SLC39A11: variants seen among roughly 807,000 people sequenced by gnomAD.
The protein encoded by SLC39A11 is zinc transporter ZIP11.
SLC39A11 carries 33 observed loss-of-function variants against 36.1 expected under a neutral mutation model. The observed-to-expected ratio is 0.91, with a 90% CI of 0.69 to 1.22. SLC39A11 has a LOEUF of 1.22. SLC39A11 is among the 50% of genes most tolerant of loss of function. The pLI, the probability that SLC39A11 is intolerant of heterozygous loss-of-function variation, is 0.00. For synonymous variants in SLC39A11, 166 were observed against 170.3 expected (o/e 0.97, Z 0.20); for missense variants, 432 against 430.3 (o/e 1.00, Z -0.03).
At chr17:72,974,012 G>T (rs2087650025) in intron 4 of SLC39A11, among the ~76,000 whole-genome samples, 1 of 152,190 alleles carries the variant, frequency 6.6e-6, no homozygotes, top group African/African-American at 2.4e-5. Flanking sequence ...TGATTCCACA[G>T]GATCATAACA....
intron 7 of SLC39A11, among the ~76,000 whole-genome samples, chr17:72,716,633 GGGAACACACA>G (rs2073378377): frequency 6.6e-6 from 1 of 152,024 alleles, no homozygotes; most frequent in South Asian, 2.1e-4. Flanking sequence ...CAAAGGGATG[GGGAACACACA>G]TGCAGAGGCA....
chr17:72,757,823 G>A (rs2567545), intron 6 of SLC39A11, among the ~76,000 whole-genome samples: 132,404 of 152,128 alleles, frequency 0.87, 57,782 homozygotes, highest in African/African-American at 0.91. Context: ...TGTATCCACC[G>A]TGGTGTCCCC....
chr17:72,696,025 C>T (rs150065581), intron 7 of SLC39A11, among the ~76,000 whole-genome samples: 69 of 152,334 alleles, frequency 4.5e-4, no homozygotes, highest in African/African-American at 1.4e-3. Flanking sequence ...CAGGCACCAC[C>T]ACACCTGGAT....
In SLC39A11 at chr17:73,001,933, T is replaced by C. The variant is rs557860706; in HGVS notation, c.306+29623A>G. Among the ~76,000 whole-genome samples the C allele has an allele frequency of 3.9e-5, 6 of 152,246 alleles. No individual in the cohort carries two copies. The East Asian group carries it at 5.8e-4, about 15-fold the overall frequency. On this transcript the variant is annotated intron_variant, in intron 4 of 9. Transcript: ENST00000255559. ...AGCATAGTGGGTGGGAAGCAGGGAA[T>C]AGACTATCAGGCTTAGGAAAGAATG...
chr17:72,871,086 CAG>C (rs1259877725), intron 5 of SLC39A11, among the ~76,000 whole-genome samples: 10 of 135,084 alleles, frequency 7.4e-5, no homozygotes, highest in African/African-American at 2.0e-4. Context: ...TTTTCTGAGA[CAG>C]AGTCTCTCTG....
intron 7 of SLC39A11, among the ~76,000 whole-genome samples, chr17:72,665,399 T>TGTTTG (rs1567921554): frequency 7.5e-5 from 8 of 106,462 alleles, no homozygotes; most frequent in Non-Finnish European, 1.5e-4. Context: ...GTTTTTTTTT[T>TGTTTG]TTTTTTTTTT....
At chr17:72,705,067 C>T (rs2072830944) in intron 7 of SLC39A11, among the ~76,000 whole-genome samples, 1 of 152,202 alleles carries the variant, frequency 6.6e-6, no homozygotes, top group African/African-American at 2.4e-5. Flanking sequence ...TAATTTGAGC[C>T]TCTGGACCAA....
At chr17:72,943,997 G>A (rs768353676) in intron 5 of SLC39A11, among the ~76,000 whole-genome samples, 5 of 152,148 alleles carry the variant, frequency 3.3e-5, no homozygotes, top group Non-Finnish European at 7.4e-5. Context: ...CAGGATCCAG[G>A]ATCCAATGAG....
intron 7 of SLC39A11, among the ~76,000 whole-genome samples, chr17:72,683,473 C>A (rs1406727278): frequency 6.6e-6 from 1 of 151,786 alleles, no homozygotes; most frequent in South Asian, 2.1e-4. Context: ...GTAGCTGGGA[C>A]TACATGCACA....
chr17:72,954,516 G>A (rs556842141), intron 4 of SLC39A11, among the ~76,000 whole-genome samples: 1 of 152,154 alleles, frequency 6.6e-6, no homozygotes, highest in East Asian at 1.9e-4. Flanking sequence ...CCTGCCTGGG[G>A]CCCAGCATAG....
chr17:72,647,584 C>G lies in SLC39A11; in HGVS notation c.1008G>C (p.Ter336TyrextTer2), dbSNP rs145968132. The change falls in exon 10 of 10, where the codon TAG becomes TAC. Residue 336 changes from the stop codon to tyrosine (Y), a stop_lost. Coordinates refer to ENST00000255559, the MANE Select transcript of SLC39A11 (RefSeq NM_139177.4). ...VMMSLDVGLG* is the reference protein window; with the variant it reads ...VMMSLDVGLGY ...TCCCGGGGTCCGAAGCGTCTCAGCC[C>G]TAGCCCAGGCCAACGTCCAGTGACA... The G allele has an allele frequency of 1.8e-5, 29 of 1,613,526 alleles. No homozygotes were observed. The highest frequency in any genetic ancestry group is 1.7e-4 in the Middle Eastern group (1 of 5,976).
intron 5 of SLC39A11, among the ~76,000 whole-genome samples, chr17:72,909,589 T>A (rs994962977): frequency 6.6e-6 from 1 of 152,178 alleles, no homozygotes; most frequent in African/African-American, 2.4e-5. Context: ...TGTCTTTTTG[T>A]TAGGGAAGAG....
chr17:73,016,868 T>C (rs897141111), intron 4 of SLC39A11, among the ~76,000 whole-genome samples: 16 of 152,218 alleles, frequency 1.1e-4, no homozygotes, highest in African/African-American at 3.9e-4. Context: ...CATCCAATTA[T>C]GCTTATTCCT....
intron 7 of SLC39A11, among the ~76,000 whole-genome samples, chr17:72,706,132 G>C (rs2072885265): frequency 6.6e-6 from 1 of 152,228 alleles, no homozygotes; most frequent in African/African-American, 2.4e-5. Context: ...CGACACCTTG[G>C]GTTTCAGATG....
chr17:73,083,345 TTTTTGACGGAA>T (rs1475484245), intron 3 of SLC39A11, among the ~76,000 whole-genome samples: 18 of 152,256 alleles, frequency 1.2e-4, no homozygotes, highest in Admixed American at 1.2e-3. Context: ...AAGGACAGTG[TTTTTGACGGAA>T]CAGTGGCTCC....
At chr17:72,674,772 A>C (rs1402729584) in intron 7 of SLC39A11, among the ~76,000 whole-genome samples, 1 of 152,192 alleles carries the variant, frequency 6.6e-6, no homozygotes, top group Non-Finnish European at 1.5e-5. Context: ...TGTTACAACT[A>C]GCATGTTTAT....
chr17:72,670,135 C>T (rs929538148), intron 7 of SLC39A11, among the ~76,000 whole-genome samples: 4 of 145,612 alleles, frequency 2.7e-5, no homozygotes, highest in African/African-American at 7.6e-5. Flanking sequence ...TGTAGAGATA[C>T]GTATACACAC....
intron 5 of SLC39A11, among the ~76,000 whole-genome samples, chr17:72,903,024 T>C (rs1451027116): frequency 5.3e-5 from 8 of 152,214 alleles, no homozygotes; most frequent in Admixed American, 3.3e-4. Context: ...CCCAACACTT[T>C]GGGAGGCCAA....
chr17:73,018,287 G>C (rs1257308859), intron 4 of SLC39A11, among the ~76,000 whole-genome samples: 1 of 152,184 alleles, frequency 6.6e-6, no homozygotes. Context: ...AGTGGCTCAT[G>C]GTTGTAATCC....
Sources: allele counts gnomAD v4.1 joint callset (sites outside exome capture counted in the v4.1 genomes callset), GRCh38; gene constraint gnomAD v4.1.1; transcripts MANE v1.5; gene names NCBI Gene and HGNC (gene_info 2026-07-23, HGNC 2026-07-21).